Variants in ATXN8OS observed in about 807,000 individuals in gnomAD.
ATXN8OS encodes the protein ATXN8 opposite strand (non-protein coding).
intron 3 of ATXN8OS, among the ~76,000 whole-genome samples, chr13:70,146,356 C>T (rs302004): frequency 0.054 from 8,115 of 150,362 alleles, 767 homozygotes; most frequent in African/African-American, 0.19. Flanking sequence ...GTCAGTGTGG[C>T]GATTCTTCAG....
chr13:70,123,282 A>G (rs1481086595), intron 2 of ATXN8OS, among the ~76,000 whole-genome samples: 1 of 152,136 alleles, frequency 6.6e-6, no homozygotes. Context: ...CATCTTAACA[A>G]TAAACTCTTT....
chr13:70,143,777 C>A (rs1888747172), intron 3 of ATXN8OS, among the ~76,000 whole-genome samples: 1 of 152,020 alleles, frequency 6.6e-6, no homozygotes, highest in Non-Finnish European at 1.5e-5. Context: ...TGCTTGATCT[C>A]TCTAGAAATA....
chr13:70,141,040 T>C (rs1888707613), intron 3 of ATXN8OS, among the ~76,000 whole-genome samples: 1 of 152,152 alleles, frequency 6.6e-6, no homozygotes, highest in Non-Finnish European at 1.5e-5. Flanking sequence ...TAAAAGACTA[T>C]ATTTAGTTTT....
intron 2 of ATXN8OS, among the ~76,000 whole-genome samples, chr13:70,116,319 A>G (rs1378073409): frequency 2.0e-5 from 3 of 152,120 alleles, no homozygotes; most frequent in African/African-American, 2.4e-5. Context: ...AGAGTTTTGA[A>G]GGAAAGGGGG....
chr13:70,153,132 A>G (rs952953213), intron 4 of ATXN8OS, among the ~76,000 whole-genome samples: 1 of 152,006 alleles, frequency 6.6e-6, no homozygotes, highest in Non-Finnish European at 1.5e-5. Flanking sequence ...TTTTATGACA[A>G]TATTTAAGTG....
intron 3 of ATXN8OS, among the ~76,000 whole-genome samples, chr13:70,138,160 G>T (rs186121521): frequency 2.6e-5 from 4 of 152,082 alleles, no homozygotes; most frequent in Non-Finnish European, 5.9e-5. Flanking sequence ...AGACCATATC[G>T]CTTGCAATGT....
intron 1 of ATXN8OS, among the ~76,000 whole-genome samples, chr13:70,111,552 C>G (rs1035690111): frequency 6.6e-6 from 1 of 152,058 alleles, no homozygotes; most frequent in African/African-American, 2.4e-5. Context: ...AGGTTCTGCC[C>G]TCGAGACCCA....
chr13:70,121,844 G>A (rs1888364205), intron 2 of ATXN8OS, among the ~76,000 whole-genome samples: 1 of 152,016 alleles, frequency 6.6e-6, no homozygotes, highest in Non-Finnish European at 1.5e-5. Context: ...GGAAAAGCAA[G>A]AAGAAGGAGG....
At chr13:70,171,437 G>C (rs1889143170) in exon 5 of ATXN8OS, among the ~76,000 whole-genome samples, 1 of 152,096 alleles carries the variant, frequency 6.6e-6, no homozygotes, top group African/African-American at 2.4e-5. Flanking sequence ...TGAATGAGTG[G>C]TGAATGGATG....
intron 2 of ATXN8OS, among the ~76,000 whole-genome samples, chr13:70,117,395 G>T (rs1005906876): frequency 6.6e-6 from 1 of 151,996 alleles, no homozygotes; most frequent in South Asian, 2.1e-4. Context: ...TTTTCCTGGT[G>T]CATTTCAAAT....
At chr13:70,119,305 G>A (rs1464888735) in intron 2 of ATXN8OS, among the ~76,000 whole-genome samples, 1 of 151,990 alleles carries the variant, frequency 6.6e-6, no homozygotes, top group Non-Finnish European at 1.5e-5. Flanking sequence ...CCCTACAGGA[G>A]TCCATTTTTT....
chr13:70,163,378 G>A (rs1254826505), intron 4 of ATXN8OS, among the ~76,000 whole-genome samples: 2 of 150,992 alleles, frequency 1.3e-5, no homozygotes, highest in Non-Finnish European at 3.0e-5. Context: ...CATCTCCCTT[G>A]AATAGCATTT....
intron 4 of ATXN8OS, among the ~76,000 whole-genome samples, chr13:70,164,046 GTTTTTATTCTTA>G (rs1367624061): frequency 4.8e-5 from 5 of 104,670 alleles, no homozygotes; most frequent in East Asian, 2.7e-4. Context: ...TAAGCTGGAA[GTTTTTATTCTTA>G]TTATTATTAT....
At chr13:70,162,262 C>T (rs1484685651) in intron 4 of ATXN8OS, among the ~76,000 whole-genome samples, 1 of 151,998 alleles carries the variant, frequency 6.6e-6, no homozygotes, top group Admixed American at 6.6e-5. Flanking sequence ...AATAAACAGA[C>T]AACGTATAGG....
intron 3 of ATXN8OS, chr13:70,139,380 A>ACTACTACTGCTACTGCTACTG: frequency 1.7e-6 from 1 of 574,178 alleles, no homozygotes; most frequent in Non-Finnish European, 3.0e-6. Flanking sequence ...TACTACTACT[A>ACTACTACTGCTACTGCTACTG]CTACTGCTGC....
intron 4 of ATXN8OS, among the ~76,000 whole-genome samples, chr13:70,166,022 C>T (rs920309185): frequency 1.3e-5 from 2 of 151,996 alleles, no homozygotes; most frequent in African/African-American, 4.8e-5. Context: ...TCTATTTCAA[C>T]TTTATGTCTT....
At chr13:70,134,838 G>A (rs547297231) in intron 3 of ATXN8OS, among the ~76,000 whole-genome samples, 1 of 152,262 alleles carries the variant, frequency 6.6e-6, no homozygotes, top group African/African-American at 2.4e-5. Flanking sequence ...CAAAATCTGA[G>A]GGCATATCTG....
At chr13:70,124,626 T>C (rs1035902894) in intron 2 of ATXN8OS, among the ~76,000 whole-genome samples, 2 of 152,108 alleles carry the variant, frequency 1.3e-5, no homozygotes, top group Non-Finnish European at 2.9e-5. Flanking sequence ...CTGTGAACTC[T>C]AGTGATAGAA....
upstream of ATXN8OS, chr13:70,107,514 T>C: frequency 6.2e-7 from 1 of 1,611,910 alleles, no homozygotes; most frequent in East Asian, 2.2e-5. Context: ...TCACACCGCT[T>C]CTCTCTTGGC....
Sources: allele counts gnomAD v4.1 joint callset (sites outside exome capture counted in the v4.1 genomes callset), GRCh38; gene constraint gnomAD v4.1.1; transcripts MANE v1.5; gene names NCBI Gene and HGNC (gene_info 2026-07-23, HGNC 2026-07-21).